ADAM15: variants seen among roughly 807,000 people sequenced by gnomAD.
ADAM15 encodes disintegrin and metalloproteinase domain-containing protein 15.
In ADAM15, 77 loss-of-function variants were observed where a neutral mutation model predicts 113.8. The observed-to-expected ratio is 0.68, with a 90% confidence interval of 0.56 to 0.82. ADAM15 has a LOEUF of 0.82. Ranked by LOEUF, ADAM15 falls within the 40% of genes least tolerant of loss-of-function variation. ADAM15 has a pLI of 0.00. For synonymous variants in ADAM15, 388 were observed against 454.1 expected (o/e 0.85, Z 1.85); for missense variants, 963 against 1,120.1 (o/e 0.86, Z 2.00).
intron 5 of ADAM15, 26 bp from the exon 6 acceptor site, chr1:155,054,286 AAT>A: frequency 1.3e-6 from 2 of 1,586,218 alleles, no homozygotes; most frequent in South Asian, 2.3e-5. Context: ...ATGGAGCTGA[AAT>A]GTTCTCTGAC....
chr1:155,055,591 CT>C (rs1661647289), intron 6 of ADAM15, 198 bp from the exon 7 acceptor site: 3 of 613,826 alleles, frequency 4.9e-6, no homozygotes, highest in Non-Finnish European at 5.8e-6. Context: ...CAGGGGTCTA[CT>C]CCAACCTTCA....
chr1:155,057,481 C>T lies in ADAM15; in HGVS notation c.1323+119C>T. ...GAAGGGACTTTCCACCCCTCTCCTA[C>T]TTGCCCTGTCTGTGGGGACAGCACA... On this transcript the variant is annotated intron_variant, in intron 12 of 22. Coordinates refer to ENST00000356955, the MANE Select transcript of ADAM15 (RefSeq NM_207197.3). The surrounding 1 kb of genome is among the most constrained non-coding windows in gnomAD (Gnocchi z 5.0). 6.0e-6 allele frequency: 9 copies of T among 1,497,452 alleles called. No individual in the cohort carries two copies. Among genetic ancestry groups the T allele is most frequent in the African/African-American group, 1.4e-5 (1 of 72,730 alleles). The allele number at this position is 1,497,452 out of a possible 1,614,324, so 92.8% of individuals were successfully genotyped here. A position where few individuals can be genotyped will look rare whatever the true frequency, so the allele number is the denominator to read the frequency against.
Position 155,057,426 on chromosome 1 carries a change from C to G in ADAM15, c.1323+64C>G. On this transcript the variant is annotated intron_variant, in intron 12 of 22. Transcript: ENST00000356955. This position sits in a 1 kb window ranked among gnomAD's most constrained non-coding sequence, Gnocchi z 5.0. ...GTACCCTCACCCTGGCTCATTAGCC[C>G]TATCCCAGCCTCCTGAGCTCTTGGG... 1 of 1,593,902 alleles carries G rather than the reference C, an allele frequency of 6.3e-7. No homozygotes were observed. The highest frequency in any genetic ancestry group is 2.2e-5 in the East Asian group (1 of 44,578).
chr1:155,061,983 T>C lies in ADAM15; in HGVS notation c.2424+8T>C. On this transcript the variant is annotated splice_region_variant and intron_variant, in intron 21 of 22. Coordinates refer to ENST00000356955, the MANE Select transcript of ADAM15 (RefSeq NM_207197.3). ...GTGGTGAGAAGCCCGAAGGTAACGG[T>C]GGGGGGAGAGAAGGGCACGGCCTCT... 1 of 1,574,294 alleles carries C rather than the reference T, an allele frequency of 6.4e-7. No individual in the cohort carries two copies. Among genetic ancestry groups the C allele is most frequent in the Non-Finnish European group, 8.6e-7 (1 of 1,157,416 alleles).
At chr1:155,054,109 G>A (rs772931212) in intron 4 of ADAM15, 41 bp from the exon 5 acceptor site, 40 of 1,613,592 alleles carry the variant, frequency 2.5e-5, no homozygotes, top group Non-Finnish European at 3.4e-5. Context: ...CAGTCCTGGT[G>A]TGCTCTCTGA....
chr1:155,059,881 T>G, intron 16 of ADAM15, 21 bp from the exon 17 acceptor site: 1 of 1,612,852 alleles, frequency 6.2e-7, no homozygotes, highest in Non-Finnish European at 8.5e-7. Flanking sequence ...AGCTCCTCAT[T>G]GCTCGCCTTG....
rs1262849700 is a variant in ADAM15, at chr1:155,061,603, G to A, written c.2352+114G>A. ...GTGCTCTTCATTAGGTGATCGGGGT[G>A]CCCCTCAGCCTTCAGACACTCTGAG... On this transcript the variant is annotated intron_variant, in intron 20 of 22. Coordinates refer to ENST00000356955, the MANE Select transcript of ADAM15 (RefSeq NM_207197.3). 11 of 1,176,810 alleles carry A rather than the reference G, an allele frequency of 9.3e-6. No homozygotes were observed. In the Admixed American group the frequency reaches 2.2e-4, roughly 24 times the overall value. The allele number at this position is 1,176,810 out of a possible 1,614,324, so 72.9% of individuals were successfully genotyped here.
chr1:155,056,321 C>A lies in ADAM15; in HGVS notation c.915-65C>A. On this transcript the variant is annotated intron_variant, in intron 9 of 22. Coordinates refer to ENST00000356955, the MANE Select transcript of ADAM15 (RefSeq NM_207197.3). This position sits in a 1 kb window ranked among gnomAD's most constrained non-coding sequence, Gnocchi z 4.0. ...AATTCACACCCCTTCAGCACCCTAC[C>A]TCAGCCCCTGAAGCTCTGACCACCG... 6.2e-7 allele frequency: 1 copy of A among 1,611,126 alleles called. No homozygotes were observed. Among genetic ancestry groups the A allele is most frequent in the Non-Finnish European group, 8.5e-7 (1 of 1,177,756 alleles).
intron 17 of ADAM15, 56 bp downstream of exon 17, chr1:155,060,030 A>T (rs544626738): frequency 1.2e-6 from 2 of 1,603,212 alleles, no homozygotes; most frequent in Non-Finnish European, 1.7e-6. Context: ...CTCATGCTTT[A>T]TCTTGCCCCC....
In ADAM15 at chr1:155,053,933, C is replaced by A; in HGVS notation, c.287C>A (p.Thr96Asn). 1.2e-6 allele frequency: 2 copies of A among 1,614,196 alleles called. No homozygotes were observed. The highest frequency in any genetic ancestry group is 1.7e-6 in the Non-Finnish European group (2 of 1,180,032). ...AGGGAGTTGGTCCCAGGCCGCCCAACCCTGGTGTGGTACCAGCCCGATGGC... is the reference window on the plus strand; with the variant it reads ...AGGGAGTTGGTCCCAGGCCGCCCAAACCTGGTGTGGTACCAGCCCGATGGC... ...QNRELVPGRP[T>N]LVWYQPDGTR... Residue 96 changes from threonine (T) to asparagine (N), a missense_variant, in exon 4 of 23, where the codon ACC (threonine) becomes AAC (asparagine). By Grantham distance (65) the Thr-to-Asn change is moderately conservative (BLOSUM62 0). Coordinates refer to ENST00000356955, the MANE Select transcript of ADAM15 (RefSeq NM_207197.3).
chr1:155,057,081 C>T lies in ADAM15; in HGVS notation c.1128C>T (p.Cys376=). The part of the protein sequence containing the change: ...PCPGPAPAKT[C]IMEASTDFLP... ...CAGGTCCAGCCCCAGCCAAGACCTG[C>T]ATCATGGAGGCCTCCACAGAGTAAG... Residue 376 remains cysteine (C), a synonymous_variant, in exon 11 of 23, where the codon TGC becomes TGT. Coordinates refer to ENST00000356955, the MANE Select transcript of ADAM15 (RefSeq NM_207197.3). The surrounding 1 kb of genome is among the most constrained non-coding windows in gnomAD (Gnocchi z 5.0). 6.3e-7 allele frequency: 1 copy of T among 1,576,294 alleles called. No homozygotes were observed. The highest frequency in any genetic ancestry group is 8.6e-7 in the Non-Finnish European group (1 of 1,158,664).
At chr1:155,055,204 TTG>T (rs1661590583) in intron 6 of ADAM15, among the ~76,000 whole-genome samples, 1 of 147,508 alleles carries the variant, frequency 6.8e-6, no homozygotes, top group Non-Finnish European at 1.5e-5. Flanking sequence ...AGAGTTGTTA[TTG>T]GGATTTTTAA....
chr1:155,061,643 A>G, intron 20 of ADAM15, 154 bp downstream of exon 20: 4 of 899,204 alleles, frequency 4.4e-6, no homozygotes, highest in Non-Finnish European at 6.6e-6. Flanking sequence ...AGAAGCAGCA[A>G]AGGGTGAGCC....
At position 155,055,925 on chromosome 1, in the gene ADAM15, C is replaced by T; in HGVS notation, c.676-7C>T. Reference sequence around the variant, plus strand: ...CCGCCTTTCATGTCACCTCTCTTGGCCTACAGGCCCAGAAATACCGGGACT... The same window carrying T: ...CCGCCTTTCATGTCACCTCTCTTGGTCTACAGGCCCAGAAATACCGGGACT... On this transcript the variant is annotated splice_region_variant and splice_polypyrimidine_tract_variant and intron_variant, in intron 7 of 22. Transcript: ENST00000356955. 1 of 1,614,184 alleles carries T rather than the reference C, an allele frequency of 6.2e-7. No individual in the cohort carries two copies. The highest frequency in any genetic ancestry group is 8.5e-7 in the Non-Finnish European group (1 of 1,180,026).
chr1:155,052,433 G>A (rs1661171484), intron 1 of ADAM15: 1 of 1,449,912 alleles, frequency 6.9e-7, no homozygotes, highest in Non-Finnish European at 9.2e-7. Flanking sequence ...CACAGGCTGC[G>A]CAAGCCGAAA....
Position 155,051,419 on chromosome 1 carries a change from C to G in ADAM15, c.33C>G (p.Leu11=), listed in dbSNP as rs1481763411. 1.9e-6 allele frequency: 3 copies of G among 1,564,224 alleles called. No individual in the cohort carries two copies. The highest frequency in any genetic ancestry group is 2.6e-6 in the Non-Finnish European group (3 of 1,160,432). The change falls in exon 1 of 23, where the codon CTC becomes CTG. Residue 11 remains leucine, a synonymous_variant. Transcript: ENST00000356955. ...TGGCGCTGCTCTGGGCCCTGGGGCT[C>G]CTGGGCGCGGGCAGCCCTCTGCCTT... MRLALLWALG[L]LGAGSPLPSW...
rs1445936492 is a variant in ADAM15 at position 155,051,333 on chromosome 1, C to T, written c.-54C>T. The stretch of plus-strand genomic sequence containing the variant: ...GAGGCGACCTGGCCGCCGGCCGCTC[C>T]TCCGCGCGCTGTTCCGCACTTGCTG... On this transcript the variant is annotated 5_prime_UTR_variant, in exon 1 of 23. Transcript: ENST00000356955. 1 of 1,338,982 alleles carries T rather than the reference C, an allele frequency of 7.5e-7. No homozygotes were observed. Among genetic ancestry groups the T allele is most frequent in the Non-Finnish European group, 9.6e-7 (1 of 1,036,404 alleles). 82.9% of individuals were successfully genotyped at this position (1,338,982 alleles called of 1,614,324 possible).
chr1:155,058,093 G>A lies in ADAM15; in HGVS notation c.1659G>A (p.Arg553=). The A allele has an allele frequency of 6.2e-7, 1 of 1,614,056 alleles. No individual in the cohort carries two copies. The highest frequency in any genetic ancestry group is 8.5e-7 in the Non-Finnish European group (1 of 1,179,928). The change falls in exon 14 of 23, where the codon CGG becomes CGA. Residue 553 remains arginine (R), a synonymous_variant. Coordinates refer to ENST00000356955, the MANE Select transcript of ADAM15 (RefSeq NM_207197.3). This position sits in a 1 kb window ranked among gnomAD's most constrained non-coding sequence, Gnocchi z 4.3. The stretch of plus-strand genomic sequence containing the variant: ...TTTGCCTCCAGACAGCTAATACTCG[G>A]GGAAATGCTTTTGGGAGCTGTGGGC... ...APLCLQTANT[R]GNAFGSCGRN...
At position 155,051,525 on chromosome 1, in the gene ADAM15, G is replaced by T. The variant is rs183948775; in HGVS notation, c.79+60G>T. ...ACTGGGAGGGAGGTGCAGGAAAGTC[G>T]GAAGGCATTAGGGTAATGGGGCCGG... On this transcript the variant is annotated intron_variant, in intron 1 of 22. Coordinates refer to ENST00000356955, the MANE Select transcript of ADAM15 (RefSeq NM_207197.3). 1,981 of 1,448,588 alleles carry T rather than the reference G, an allele frequency of 1.4e-3. 2 individuals are homozygous for T. Among genetic ancestry groups the T allele is most frequent in the Non-Finnish European group, 1.7e-3 (1,843 of 1,092,932 alleles). The allele number at this position is 1,448,588 out of a possible 1,614,324, so 89.7% of individuals were successfully genotyped here. A position where few individuals can be genotyped will look rare whatever the true frequency, so the allele number is the denominator to read the frequency against.
Sources: allele counts gnomAD v4.1 joint callset (sites outside exome capture counted in the v4.1 genomes callset), GRCh38; gene constraint gnomAD v4.1.1; non-coding constraint Gnocchi (gnomAD v3.1); transcripts MANE v1.5; gene names NCBI Gene and HGNC (gene_info 2026-07-23, HGNC 2026-07-21).